The following SMOC1 variants were observed in gnomAD, a reference collection of about 807,000 sequenced individuals.
The protein encoded by SMOC1 is SPARC-related modular calcium-binding protein 1.
SMOC1 carries 22 observed loss-of-function variants against 56.3 expected under a neutral mutation model. The ratio of observed to expected loss-of-function variants is 0.39; its 90% CI spans 0.28 to 0.56. SMOC1 has a LOEUF of 0.56. Ranked by LOEUF, SMOC1 falls within the 20% of genes least tolerant of loss-of-function variation. The probability of loss-of-function intolerance (pLI) is 0.61; values close to 1 mark genes in which losing one functional copy is unlikely to be tolerated. For missense variants in SMOC1, 509 were observed against 565.4 expected (o/e 0.90, Z 1.01); for synonymous variants, 193 against 215.0 (o/e 0.90, Z 0.89).
chr14:69,924,421 G>A (rs1884934581), intron 1 of SMOC1, among the ~76,000 whole-genome samples: 1 of 151,930 alleles, frequency 6.6e-6, no homozygotes, highest in Non-Finnish European at 1.5e-5. Flanking sequence ...CATTCCTTTT[G>A]TGATCCTTCT....
At chr14:70,011,652 T>A (rs1474244242) in intron 9 of SMOC1, 85 bp downstream of exon 9, 2 of 1,308,164 alleles carry the variant, frequency 1.5e-6, no homozygotes, top group East Asian at 2.3e-5. Flanking sequence ...TGTCTCCTCT[T>A]TGTCTGTTTC....
intron 4 of SMOC1, among the ~76,000 whole-genome samples, chr14:69,976,663 C>T (rs986805649): frequency 6.6e-6 from 1 of 152,172 alleles, no homozygotes; most frequent in Non-Finnish European, 1.5e-5. Flanking sequence ...GACTCTGAGT[C>T]GCTCCCTTAA....
At chr14:69,905,846 C>T (rs993982307) in intron 1 of SMOC1, among the ~76,000 whole-genome samples, 19 of 152,280 alleles carry the variant, frequency 1.2e-4, no homozygotes, top group Admixed American at 8.5e-4. Context: ...GAAAGAGAAG[C>T]AGACTTGATG....
At chr14:70,007,895 T>A (rs1455854698) in intron 7 of SMOC1, among the ~76,000 whole-genome samples, 1 of 152,196 alleles carries the variant, frequency 6.6e-6, no homozygotes, top group African/African-American at 2.4e-5. Context: ...CTCTTTGCTG[T>A]AAGACAAACT....
chr14:70,014,791 C>T (rs532844390), intron 10 of SMOC1, among the ~76,000 whole-genome samples: 3 of 152,298 alleles, frequency 2.0e-5, no homozygotes, highest in East Asian at 3.9e-4. Context: ...GTTAGTCCCC[C>T]GGCATCTGCC....
In SMOC1 at chr14:70,015,619, G is replaced by T. The variant is rs193014490; in HGVS notation, c.1046+2128G>T. ...TCTGTTTCTGCCGCCCCTGTGGGTGGGGGCCAGGCCTCCTCCAGGAGGAGC... is the reference window on the plus strand; with the variant it reads ...TCTGTTTCTGCCGCCCCTGTGGGTGTGGGCCAGGCCTCCTCCAGGAGGAGC... On this transcript the variant is annotated intron_variant, in intron 10 of 11. Transcript: ENST00000361956. 3.2e-3 allele frequency among the ~76,000 whole-genome samples: 484 copies of T among 152,182 alleles called. 3 individuals are homozygous for T. The highest frequency in any genetic ancestry group is 0.011 in the African/African-American group (462 of 41,524).
intron 8 of SMOC1, 116 bp from the exon 9 acceptor site, chr14:70,011,369 G>A (rs1885330733): frequency 6.1e-6 from 6 of 980,828 alleles, no homozygotes; most frequent in Non-Finnish European, 9.8e-6. Context: ...ATATCGTTCT[G>A]CCCACCCTCA....
At chr14:69,900,722 C>A (rs769839953) in intron 1 of SMOC1, among the ~76,000 whole-genome samples, 2 of 152,204 alleles carry the variant, frequency 1.3e-5, no homozygotes, top group African/African-American at 2.4e-5. Context: ...ATCCCCAACA[C>A]CCAAAGGCTC....
At chr14:69,985,231 G>C (rs1884324981) in intron 5 of SMOC1, among the ~76,000 whole-genome samples, 1 of 152,158 alleles carries the variant, frequency 6.6e-6, no homozygotes, top group Non-Finnish European at 1.5e-5. Context: ...AAAAGAAAAA[G>C]TAGTGTCAAC....
At chr14:69,900,557 T>C (rs984216673) in intron 1 of SMOC1, among the ~76,000 whole-genome samples, 3 of 152,210 alleles carry the variant, frequency 2.0e-5, no homozygotes, top group Non-Finnish European at 4.4e-5. Flanking sequence ...CTTATTCTGA[T>C]GACAAAGACA....
At chr14:69,973,808 G>C (rs1883864814) in intron 3 of SMOC1, among the ~76,000 whole-genome samples, 1 of 152,172 alleles carries the variant, frequency 6.6e-6, no homozygotes, top group Non-Finnish European at 1.5e-5. Context: ...CTGCCTTTGT[G>C]ATAACTTTTG....
Position 69,994,429 on chromosome 14 carries a change from C to G in SMOC1, c.613C>G (p.His205Asp). The change falls in exon 7 of 12, where the codon CAC (histidine) becomes GAC (aspartate). Residue 205 changes from histidine (H) to aspartate (D), a missense_variant. This residue lies in a region of SMOC1 where 315 missense variants were observed against 333.1 expected (regional missense o/e 0.95). Transcript: ENST00000361956. ...CACAGCCCCAACTCTATGGATTAAACACTTGGTGATCAAGGACTCCAAACT... is the reference window on the plus strand; with the variant it reads ...CACAGCCCCAACTCTATGGATTAAAGACTTGGTGATCAAGGACTCCAAACT... ...EITAPTLWIK[H>D]LVIKDSKLNN... 6.2e-7 allele frequency: 1 copy of G among 1,614,044 alleles called. No homozygotes were observed. Among genetic ancestry groups the G allele is most frequent in the Non-Finnish European group, 8.5e-7 (1 of 1,179,916 alleles).
chr14:69,902,638 C>G (rs965192922), intron 1 of SMOC1, among the ~76,000 whole-genome samples: 2 of 152,212 alleles, frequency 1.3e-5, no homozygotes, highest in African/African-American at 4.8e-5. Context: ...CCCTCTCCCT[C>G]TCTTTCCACG....
At chr14:70,021,683 G>A (rs1885730681) in intron 10 of SMOC1, among the ~76,000 whole-genome samples, 1 of 152,194 alleles carries the variant, frequency 6.6e-6, no homozygotes, top group South Asian at 2.1e-4. Flanking sequence ...TTAGGAATAG[G>A]CATCTAACAG....
intron 3 of SMOC1, among the ~76,000 whole-genome samples, chr14:69,975,216 G>T (rs1883905154): frequency 6.6e-6 from 1 of 152,116 alleles, no homozygotes. Context: ...GGTGGTGCAT[G>T]CTTGTAATCC....
At chr14:69,922,283 G>A (rs78604067) in intron 1 of SMOC1, among the ~76,000 whole-genome samples, 3,996 of 152,314 alleles carry the variant, frequency 0.026, 81 homozygotes, top group Admixed American at 0.056. Context: ...TAAAGTCAGC[G>A]AGCCCAATAA....
chr14:69,985,835 T>A (rs934182160), intron 5 of SMOC1, among the ~76,000 whole-genome samples: 2 of 152,246 alleles, frequency 1.3e-5, no homozygotes, highest in African/African-American at 4.8e-5. Context: ...CATATAACTT[T>A]TATAAAAGTA....
chr14:69,936,223 G>A (rs1885292428), intron 1 of SMOC1, among the ~76,000 whole-genome samples: 1 of 152,154 alleles, frequency 6.6e-6, no homozygotes, highest in Non-Finnish European at 1.5e-5. Flanking sequence ...GAGTGCCGCT[G>A]GCAGCCCCTA....
chr14:69,883,179 C>T (rs1425782988), intron 1 of SMOC1, among the ~76,000 whole-genome samples: 6 of 152,164 alleles, frequency 3.9e-5, no homozygotes, highest in South Asian at 2.1e-4. Flanking sequence ...TTCAAGGATA[C>T]AATAACTTGT....
Sources: gnomAD v4.1 joint callset for allele counts (sites outside exome capture counted in the v4.1 genomes callset) on GRCh38, gnomAD v4.1.1 for gene constraint, gnomAD v4.1.1 regional missense constraint, MANE v1.5 for transcripts, NCBI Gene and HGNC (gene_info 2026-07-23, HGNC 2026-07-21) for gene names.